Variants in GPHN observed in about 807,000 individuals in gnomAD.
The protein encoded by GPHN is gephyrin.
Under a neutral mutation model 95.5 loss-of-function variants are expected in GPHN, and 17 were observed. The observed-to-expected ratio is 0.18, with a 90% CI of 0.12 to 0.27. GPHN has a LOEUF of 0.27. Ranked by LOEUF, GPHN falls within the 10% of genes least tolerant of loss-of-function variation. The probability of loss-of-function intolerance (pLI) is 1.00; values close to 1 mark genes in which losing one functional copy is unlikely to be tolerated. For synonymous variants in GPHN, 320 were observed against 322.5 expected, an observed-to-expected ratio of 0.99 and a Z score of 0.08; for missense variants, 660 against 978.1, an observed-to-expected ratio of 0.67 and a Z score of 4.34.
the GPHN span, chr14:67,541,691 AG>A: frequency 1.9e-6 from 1 of 539,492 alleles, no homozygotes; most frequent in Admixed American, 3.8e-5. Flanking sequence ...CCTGGGGATC[AG>A]TGACCAATTC....
chr14:67,734,940 C>A, the GPHN span, among the ~76,000 whole-genome samples: 5 of 152,186 alleles, frequency 3.3e-5, no homozygotes, highest in Non-Finnish European at 5.9e-5. Flanking sequence ...GTGGATACTC[C>A]TAACTGCAAT....
At chr14:67,177,877 A>T (rs1414157480) in intron 21 of GPHN, among the ~76,000 whole-genome samples, 1 of 151,890 alleles carries the variant, frequency 6.6e-6, no homozygotes, top group Non-Finnish European at 1.5e-5. Flanking sequence ...ATCAGAGACT[A>T]GGATTGCAAC....
At chr14:67,139,142 G>C (rs2080294465) in intron 17 of GPHN, among the ~76,000 whole-genome samples, 1 of 151,404 alleles carries the variant, frequency 6.6e-6, no homozygotes, top group Non-Finnish European at 1.5e-5. Flanking sequence ...AGAGTTGCTT[G>C]AACCCAGGAG....
At chr14:66,535,478 G>A (rs1232866014) in intron 1 of GPHN, among the ~76,000 whole-genome samples, 2 of 151,984 alleles carry the variant, frequency 1.3e-5, no homozygotes, top group East Asian at 1.9e-4. Context: ...TATACATTTA[G>A]AATCATATTT....
the GPHN span, among the ~76,000 whole-genome samples, chr14:67,443,634 G>T: frequency 1.3e-5 from 2 of 152,078 alleles, no homozygotes; most frequent in Non-Finnish European, 2.9e-5. Context: ...CAGACACAGT[G>T]GTGCACACCT....
the GPHN span, among the ~76,000 whole-genome samples, chr14:67,366,397 C>G: frequency 6.6e-6 from 1 of 152,040 alleles, no homozygotes; most frequent in Admixed American, 6.5e-5. Context: ...ATAAAATATA[C>G]ACAAAAGGAG....
At chr14:67,648,094 C>T in the GPHN span, 16 of 1,613,722 alleles carry the variant, frequency 9.9e-6, no homozygotes, top group Non-Finnish European at 8.5e-7. Context: ...GCATTTGACC[C>T]TACACTGGCT....
At chr14:67,322,492 A>T in the GPHN span, among the ~76,000 whole-genome samples, 1 of 152,198 alleles carries the variant, frequency 6.6e-6, no homozygotes, top group Non-Finnish European at 1.5e-5. Flanking sequence ...TGCTCATGTC[A>T]AATTAGGCAA....
the GPHN span, chr14:67,652,313 G>GA: frequency 6.5e-6 from 1 of 153,510 alleles, no homozygotes; most frequent in Non-Finnish European, 1.5e-5. Context: ...TATGGACTAG[G>GA]AGTCCATACA....
At chr14:66,869,594 T>C (rs1057135047) in intron 4 of GPHN, among the ~76,000 whole-genome samples, 1 of 152,212 alleles carries the variant, frequency 6.6e-6, no homozygotes, top group African/African-American at 2.4e-5. Context: ...TTGCTCTCCA[T>C]TCTCTTTTTC....
At chr14:67,090,488 A>G (rs1450921793) in intron 12 of GPHN, among the ~76,000 whole-genome samples, 1 of 152,130 alleles carries the variant, frequency 6.6e-6, no homozygotes, top group East Asian at 1.9e-4. Flanking sequence ...TATAGGATAT[A>G]TATGAAACAT....
chr14:66,700,491 T>A (rs972259887), intron 2 of GPHN, among the ~76,000 whole-genome samples: 2 of 152,202 alleles, frequency 1.3e-5, no homozygotes, highest in Non-Finnish European at 2.9e-5. Context: ...CTAATTTAAA[T>A]TTGTATTTTT....
At chr14:66,625,153 A>C (rs905879796) in intron 1 of GPHN, among the ~76,000 whole-genome samples, 1 of 152,034 alleles carries the variant, frequency 6.6e-6, no homozygotes, top group South Asian at 2.1e-4. Flanking sequence ...CGAGATGGTC[A>C]CTATAGCCTT....
At chr14:67,366,156 C>T in the GPHN span, among the ~76,000 whole-genome samples, 10 of 150,336 alleles carry the variant, frequency 6.7e-5, no homozygotes, top group African/African-American at 2.2e-4. Context: ...GATCATAGGT[C>T]GCTGCAGCCT....
chr14:67,030,761 G>A (rs2074154234), intron 10 of GPHN, among the ~76,000 whole-genome samples: 1 of 152,014 alleles, frequency 6.6e-6, no homozygotes, highest in Non-Finnish European at 1.5e-5. Flanking sequence ...TCCACCCTAA[G>A]CATCTTGCAA....
chr14:67,486,431 T>C, the GPHN span, among the ~76,000 whole-genome samples: 1 of 152,216 alleles, frequency 6.6e-6, no homozygotes, highest in East Asian at 1.9e-4. Context: ...CATGCCACAA[T>C]GCCCAGCTAA....
the GPHN span, among the ~76,000 whole-genome samples, chr14:67,260,032 CAG>C: frequency 6.6e-6 from 1 of 152,206 alleles, no homozygotes; most frequent in East Asian, 1.9e-4. Flanking sequence ...GAGATTTAAA[CAG>C]AAACTATTAC....
the GPHN span, among the ~76,000 whole-genome samples, chr14:67,284,429 T>TAA: frequency 0.04 from 3,664 of 92,638 alleles, 218 homozygotes; most frequent in Middle Eastern, 0.045. Flanking sequence ...CCCTATCTCT[T>TAA]AAAAAAAAAA....
At chr14:67,072,038 C>G (rs2076331617) in intron 11 of GPHN, among the ~76,000 whole-genome samples, 1 of 151,878 alleles carries the variant, frequency 6.6e-6, no homozygotes, top group Non-Finnish European at 1.5e-5. Context: ...TTATAGGTAC[C>G]TCATTATGTT....
Sources: gnomAD v4.1 joint callset for allele counts (sites outside exome capture counted in the v4.1 genomes callset) on GRCh38, gnomAD v4.1.1 for gene constraint, MANE v1.5 for transcripts, NCBI Gene and HGNC (gene_info 2026-07-23, HGNC 2026-07-21) for gene names.